CDHR3: variants seen among roughly 807,000 people sequenced by gnomAD.
The protein encoded by CDHR3 is cadherin related family member 3, also known as cadherin-related family member 3.
A neutral mutation model predicts 86.6 loss-of-function variants in CDHR3; 79 were observed. The ratio of observed to expected loss-of-function variants is 0.91; its 90% CI spans 0.76 to 1.10. The LOEUF is 1.10. Ranked by LOEUF, CDHR3 falls within the 50% of genes least tolerant of loss-of-function variation. The pLI is 0.00. For missense variants in CDHR3, 1,081 were observed against 1,077.6 expected (o/e 1.00, Z -0.04); for synonymous variants, 421 against 402.4 (o/e 1.05, Z -0.55).
At chr7:105,997,923 G>T (rs1832513568) in intron 6 of CDHR3, among the ~76,000 whole-genome samples, 1 of 151,822 alleles carries the variant, frequency 6.6e-6, no homozygotes, top group South Asian at 2.1e-4. Flanking sequence ...CAAGCAGATA[G>T]CATGATCTGT....
intron 6 of CDHR3, among the ~76,000 whole-genome samples, chr7:105,998,485 C>T (rs962439001): frequency 7.9e-5 from 12 of 152,184 alleles, no homozygotes; most frequent in Non-Finnish European, 1.5e-4. Context: ...TGAAGTTGAA[C>T]ATTTTATTAT....
At chr7:105,980,611 T>A (rs1423349367) in intron 2 of CDHR3, among the ~76,000 whole-genome samples, 1 of 96,264 alleles carries the variant, frequency 1.0e-5, no homozygotes, top group Non-Finnish European at 2.0e-5. Context: ...TTTTTAATTT[T>A]TTTTTTTTTT....
At chr7:105,985,086 C>A (rs929306568) in intron 4 of CDHR3, among the ~76,000 whole-genome samples, 1 of 151,838 alleles carries the variant, frequency 6.6e-6, no homozygotes, top group Non-Finnish European at 1.5e-5. Flanking sequence ...ATTAAGGAGT[C>A]CCCAGAATTC....
intron 1 of CDHR3, among the ~76,000 whole-genome samples, chr7:105,972,064 A>T (rs968328772): frequency 1.2e-4 from 18 of 152,174 alleles, no homozygotes; most frequent in African/African-American, 4.3e-4. Flanking sequence ...TCCAGATACC[A>T]TGAGCCAGGG....
rs148352246 is a variant in CDHR3 at position 105,970,402 on chromosome 7, G to A, written c.47-4442G>A. Among the ~76,000 whole-genome samples the A allele has an allele frequency of 9.8e-5, 15 of 152,346 alleles. No homozygotes were observed. The East Asian group carries it at 2.7e-3, about 27-fold the overall frequency. On this transcript the variant is annotated intron_variant, in intron 1 of 18. Transcript: ENST00000317716. ...CCACAAGCAAGATGTTTCAGTGGGC[G>A]CCATGGCTGACAATAAATCTTTTGC...
At chr7:106,007,550 G>A (rs540149606) in intron 8 of CDHR3, among the ~76,000 whole-genome samples, 4 of 152,212 alleles carry the variant, frequency 2.6e-5, no homozygotes, top group South Asian at 2.1e-4. Context: ...AAGTCTCTAG[G>A]GCAGGGGCAA....
At chr7:105,971,180 G>T (rs980172114) in intron 1 of CDHR3, among the ~76,000 whole-genome samples, 1 of 151,618 alleles carries the variant, frequency 6.6e-6, no homozygotes, top group Non-Finnish European at 1.5e-5. Flanking sequence ...GGACTGCCTA[G>T]GTCTGCCTCA....
At chr7:106,010,825 G>A (rs1834686828) in intron 8 of CDHR3, among the ~76,000 whole-genome samples, 1 of 152,248 alleles carries the variant, frequency 6.6e-6, no homozygotes, top group African/African-American at 2.4e-5. Context: ...AGATCATGAT[G>A]CAAGGCTGAT....
At chr7:105,968,003 T>C (rs575083998) in intron 1 of CDHR3, among the ~76,000 whole-genome samples, 1 of 152,382 alleles carries the variant, frequency 6.6e-6, no homozygotes, top group East Asian at 1.9e-4. Context: ...CCATTGCTTT[T>C]GGTGTTTTAG....
chr7:106,026,357 C>T (rs924053923), intron 15 of CDHR3, among the ~76,000 whole-genome samples: 1 of 152,162 alleles, frequency 6.6e-6, no homozygotes, highest in Non-Finnish European at 1.5e-5. Flanking sequence ...CAAGAAGACT[C>T]GCTGGACAGT....
intron 16 of CDHR3, among the ~76,000 whole-genome samples, chr7:106,027,116 G>GCTGGGCGCAGTGACTCACGC (rs1427067327): frequency 1.3e-5 from 2 of 152,182 alleles, no homozygotes; most frequent in Non-Finnish European, 2.9e-5. Flanking sequence ...AACAGATAAG[G>GCTGGGCGCAGTGACTCACGC]CTGGGCGCAG....
intron 4 of CDHR3, among the ~76,000 whole-genome samples, chr7:105,988,165 AG>A (rs1476692967): frequency 1.3e-5 from 2 of 152,232 alleles, no homozygotes; most frequent in Non-Finnish European, 2.9e-5. Flanking sequence ...CTAGGATTAC[AG>A]ACATGAGCCA....
At chr7:105,981,311 T>C (rs1829698557) in intron 3 of CDHR3, among the ~76,000 whole-genome samples, 178 bp downstream of exon 3, 1 of 152,182 alleles carries the variant, frequency 6.6e-6, no homozygotes, top group Admixed American at 6.5e-5. Context: ...AATAATAATG[T>C]CCAACAGTTT....
intron 7 of CDHR3, among the ~76,000 whole-genome samples, chr7:106,002,950 G>A (rs747569116): frequency 2.0e-5 from 3 of 151,894 alleles, no homozygotes; most frequent in Non-Finnish European, 4.4e-5. Flanking sequence ...CCTGGGCAAC[G>A]TAGTGAAACC....
intron 2 of CDHR3, among the ~76,000 whole-genome samples, chr7:105,976,934 C>A (rs1428373561): frequency 6.6e-6 from 1 of 151,146 alleles, no homozygotes; most frequent in Non-Finnish European, 1.5e-5. Flanking sequence ...TGATCATGTT[C>A]CTTTGAATTT....
At chr7:105,970,687 G>C (rs1012656644) in intron 1 of CDHR3, among the ~76,000 whole-genome samples, 2 of 152,184 alleles carry the variant, frequency 1.3e-5, no homozygotes, top group Non-Finnish European at 2.9e-5. Flanking sequence ...CTGTATAACA[G>C]ATGGGTTTAA....
chr7:106,023,507 A>G lies in CDHR3; in HGVS notation c.2077-874A>G, dbSNP rs531465357. On this transcript the variant is annotated intron_variant, in intron 14 of 18. Transcript: ENST00000317716. ...CTGCCCCTTGGAGGAACTGGCTTGC[A>G]TCTATGCTGACTCATCTGTCCCCTT... Among the ~76,000 whole-genome samples the G allele has an allele frequency of 2.6e-5, 4 of 152,232 alleles. 1 individual carries two copies. The South Asian group carries it at 8.3e-4, about 32-fold the overall frequency.
At chr7:106,014,061 A>G (rs1457131105) in intron 9 of CDHR3, among the ~76,000 whole-genome samples, 1 of 152,096 alleles carries the variant, frequency 6.6e-6, no homozygotes, top group Non-Finnish European at 1.5e-5. Flanking sequence ...CCTAGGCCCA[A>G]GTGATCCTCA....
chr7:106,030,387 T>C lies in CDHR3; in HGVS notation c.2305-405T>C, dbSNP rs941568103. Among the ~76,000 whole-genome samples, 4 of 152,208 alleles carry C rather than the reference T, an allele frequency of 2.6e-5. No individual in the cohort carries two copies. The highest frequency in any genetic ancestry group is 1.5e-5 in the Non-Finnish European group (1 of 68,036). On this transcript the variant is annotated intron_variant, in intron 17 of 18. Coordinates refer to ENST00000317716, the MANE Select transcript of CDHR3 (RefSeq NM_152750.5). This position sits in a 1 kb window ranked among gnomAD's most constrained non-coding sequence, Gnocchi z 4.8. ...CACCTGTGTCCACCTTGACAATGCC[T>C]GACAGCAATTCACTGACACAACGTA...
Sources: allele counts gnomAD v4.1 joint callset (sites outside exome capture counted in the v4.1 genomes callset), GRCh38; gene constraint gnomAD v4.1.1; non-coding constraint Gnocchi (gnomAD v3.1); transcripts MANE v1.5; gene names NCBI Gene and HGNC (gene_info 2026-07-23, HGNC 2026-07-21).